SPIRE1: variants seen among roughly 807,000 people sequenced by gnomAD.
The protein encoded by SPIRE1 is spire type actin nucleation factor 1.
Under a neutral mutation model 94.1 loss-of-function variants are expected in SPIRE1, and 40 were observed. The observed-to-expected ratio is 0.43, with a 90% CI of 0.33 to 0.55. The LOEUF (loss-of-function observed/expected upper bound fraction) is 0.55, where lower values mean the gene tolerates loss of function less well. SPIRE1 is among the 20% of genes least tolerant of loss of function. The pLI is 0.06. For synonymous variants in SPIRE1, 376 were observed against 371.7 expected, an observed-to-expected ratio of 1.01 and a Z score of -0.13; for missense variants, 838 against 975.2, an observed-to-expected ratio of 0.86 and a Z score of 1.87.
intron 2 of SPIRE1, among the ~76,000 whole-genome samples, chr18:12,566,486 C>T (rs754127212): frequency 5.9e-5 from 9 of 152,116 alleles, no homozygotes; most frequent in Non-Finnish European, 1.3e-4. Context: ...CTTAATTGGT[C>T]TAATAGCTAA....
chr18:12,466,092 A>G (rs1458589938), intron 10 of SPIRE1, among the ~76,000 whole-genome samples: 1 of 152,060 alleles, frequency 6.6e-6, no homozygotes, highest in African/African-American at 2.4e-5. Context: ...TCAGAAAAAA[A>G]AAAGAAAAAG....
intron 6 of SPIRE1, among the ~76,000 whole-genome samples, chr18:12,503,210 T>C (rs1228151086): frequency 6.6e-6 from 1 of 152,202 alleles, no homozygotes; most frequent in East Asian, 1.9e-4. Context: ...ACTCATACTG[T>C]TTGCTCACTG....
chr18:12,658,470 T>C, upstream of SPIRE1: 1 of 441,220 alleles, frequency 2.3e-6, no homozygotes, highest in South Asian at 1.6e-5. Flanking sequence ...GGGTGTCGCA[T>C]TTATCAGGGA....
intron 5 of SPIRE1, among the ~76,000 whole-genome samples, chr18:12,511,137 C>A (rs2034023672): frequency 6.6e-6 from 1 of 152,224 alleles, no homozygotes; most frequent in Admixed American, 6.5e-5. Context: ...AAATGTACAA[C>A]ACTGTTAGTT....
intron 2 of SPIRE1, among the ~76,000 whole-genome samples, chr18:12,562,854 T>C (rs910891522): frequency 1.3e-5 from 2 of 152,066 alleles, no homozygotes; most frequent in African/African-American, 4.8e-5. Context: ...TCTAAGATTA[T>C]AAAATATACT....
chr18:12,544,719 A>G (rs1257324139), intron 3 of SPIRE1, among the ~76,000 whole-genome samples: 2 of 152,234 alleles, frequency 1.3e-5, no homozygotes, highest in Non-Finnish European at 2.9e-5. Flanking sequence ...AGGGAACCAC[A>G]GTAGCTCAAA....
Position 12,563,654 on chromosome 18 carries a change from G to A in SPIRE1, c.373-16750C>T, listed in dbSNP as rs927436027. Among the ~76,000 whole-genome samples, 21 of 152,188 alleles carry A rather than the reference G, an allele frequency of 1.4e-4. No homozygotes were observed. In the Middle Eastern group the frequency reaches 0.01, roughly 74 times the overall value. On this transcript the variant is annotated intron_variant, in intron 2 of 16. Transcript: ENST00000409402. ...AGAAATATGTATTGTCCTTTTCCATGTTATTGGCATCAATTGTATCTATAA... is the reference window on the plus strand; with the variant it reads ...AGAAATATGTATTGTCCTTTTCCATATTATTGGCATCAATTGTATCTATAA...
intron 2 of SPIRE1, among the ~76,000 whole-genome samples, chr18:12,595,045 A>G (rs2036632330): frequency 6.6e-6 from 1 of 152,226 alleles, no homozygotes; most frequent in Non-Finnish European, 1.5e-5. Flanking sequence ...TGGGAGGCCA[A>G]TGCGGGATAA....
chr18:12,612,129 G>T (rs1348187788), intron 2 of SPIRE1, among the ~76,000 whole-genome samples: 4 of 152,018 alleles, frequency 2.6e-5, no homozygotes, highest in Non-Finnish European at 5.9e-5. Flanking sequence ...CCAGCTACCT[G>T]CTTGTCAATA....
intron 6 of SPIRE1, 81 bp from the exon 7 acceptor site, chr18:12,496,183 T>C: frequency 1.1e-6 from 1 of 936,956 alleles, no homozygotes; most frequent in Admixed American, 1.9e-5. Context: ...TTATCTCAAA[T>C]ATGCCATAAA....
intron 6 of SPIRE1, among the ~76,000 whole-genome samples, chr18:12,498,599 G>A (rs2033546585): frequency 2.0e-5 from 3 of 151,956 alleles, no homozygotes; most frequent in Non-Finnish European, 4.4e-5. Context: ...AATTTAAAAC[G>A]TCTACCCTGT....
At chr18:12,574,724 C>T (rs537704976) in intron 2 of SPIRE1, among the ~76,000 whole-genome samples, 1 of 152,146 alleles carries the variant, frequency 6.6e-6, no homozygotes, top group African/African-American at 2.4e-5. Context: ...AGAATGCACA[C>T]AGGAGAAGAA....
rs555353847 is a variant in SPIRE1 at position 12,519,370 on chromosome 18, G to A, written c.730-6839C>T. On this transcript the variant is annotated intron_variant, in intron 4 of 16. Coordinates refer to ENST00000409402, the MANE Select transcript of SPIRE1 (RefSeq NM_001128626.2). Reference sequence around the variant, plus strand: ...CACACACGCACGCACACACACACACGCAAACACTCTCTCTCTAACAAATGT... The same window carrying A: ...CACACACGCACGCACACACACACACACAAACACTCTCTCTCTAACAAATGT... 3.0e-3 allele frequency among the ~76,000 whole-genome samples: 456 copies of A among 151,634 alleles called. 1 individual carries two copies. The highest frequency in any genetic ancestry group is 4.1e-3 in the Non-Finnish European group (279 of 67,858).
intron 1 of SPIRE1, among the ~76,000 whole-genome samples, chr18:12,648,955 T>C (rs1206114990): frequency 6.9e-6 from 1 of 144,178 alleles, no homozygotes; most frequent in Admixed American, 7.2e-5. Context: ...CCAAATGAAG[T>C]CTGGAGTTTA....
intron 1 of SPIRE1, among the ~76,000 whole-genome samples, chr18:12,641,840 T>C (rs1248078918): frequency 6.6e-6 from 1 of 150,542 alleles, no homozygotes; most frequent in Admixed American, 6.6e-5. Flanking sequence ...TGCTTTTTTT[T>C]TTTTTTTTTT....
At chr18:12,462,616 C>A (rs899695916) in intron 12 of SPIRE1, among the ~76,000 whole-genome samples, 8 of 152,188 alleles carry the variant, frequency 5.3e-5, no homozygotes, top group Admixed American at 3.9e-4. Flanking sequence ...AATAACACCA[C>A]TGGCCCCAAA....
intron 2 of SPIRE1, among the ~76,000 whole-genome samples, chr18:12,607,043 C>G (rs2036998652): frequency 6.6e-6 from 1 of 152,150 alleles, no homozygotes; most frequent in Non-Finnish European, 1.5e-5. Context: ...AGCACCGAAT[C>G]TGACAGCTTC....
chr18:12,627,363 C>T (rs2037660634), intron 2 of SPIRE1, among the ~76,000 whole-genome samples: 2 of 152,156 alleles, frequency 1.3e-5, no homozygotes, highest in Admixed American at 1.3e-4. Context: ...TTTCCAGCTT[C>T]ATCTATGTCC....
intron 2 of SPIRE1, among the ~76,000 whole-genome samples, chr18:12,565,011 C>T (rs1361675322): frequency 2.6e-5 from 4 of 152,074 alleles, no homozygotes; most frequent in Non-Finnish European, 5.9e-5. Context: ...GAAAAAGATA[C>T]CTGAAGGAAT....
Sources: allele counts gnomAD v4.1 joint callset (sites outside exome capture counted in the v4.1 genomes callset), GRCh38; gene constraint gnomAD v4.1.1; transcripts MANE v1.5; gene names NCBI Gene and HGNC (gene_info 2026-07-23, HGNC 2026-07-21).